FANCM: variants seen among roughly 807,000 people sequenced by gnomAD.
The protein encoded by FANCM is FA complementation group M.
A neutral mutation model predicts 199.5 loss-of-function variants in FANCM; 140 were observed. That is an observed-to-expected ratio of 0.70 (90% CI 0.61 to 0.81). The LOEUF (loss-of-function observed/expected upper bound fraction) is 0.81, where lower values mean the gene tolerates loss of function less well. FANCM is among the 30% of genes least tolerant of loss of function. The pLI is 0.00. For synonymous variants in FANCM, 840 were observed against 836.8 expected, an observed-to-expected ratio of 1.00 and a Z score of -0.07; for missense variants, 2,410 against 2,421.4, an observed-to-expected ratio of 1.00 and a Z score of 0.10.
intron 11 of FANCM, among the ~76,000 whole-genome samples, chr14:45,169,289 A>G (rs1382822129): frequency 1.3e-5 from 2 of 151,922 alleles, no homozygotes; most frequent in East Asian, 3.9e-4. Context: ...TCTGGATGTC[A>G]GGTCTGAAAG....
chr14:45,148,145 C>T (rs1269070047), intron 3 of FANCM, among the ~76,000 whole-genome samples: 5 of 151,082 alleles, frequency 3.3e-5, no homozygotes, highest in African/African-American at 9.8e-5. Context: ...TGCAGTTAGC[C>T]GATATCGTGC....
rs765026410 is a variant in FANCM, at chr14:45,176,758, A to C, written c.4004A>C (p.Lys1335Thr). ...CAGTTTTCTTTACCAGTGCAAAAAAAAGTTATGAGTACACCACTCTCTAAA... is the reference window on the plus strand; with the variant it reads ...CAGTTTTCTTTACCAGTGCAAAAAACAGTTATGAGTACACCACTCTCTAAA... The part of the protein sequence containing the change: ...YSQFSLPVQK[K>T]VMSTPLSKSN... The change falls in exon 14 of 23, where the codon AAA (lysine) becomes ACA (threonine). Residue 1335 changes from lysine to threonine, a missense_variant. Lys to Thr is a moderately conservative substitution (Grantham distance 78). Coordinates refer to ENST00000267430, the MANE Select transcript of FANCM (RefSeq NM_020937.4). 6.8e-6 allele frequency: 11 copies of C among 1,612,808 alleles called. No individual in the cohort carries two copies. The East Asian group carries it at 2.5e-4, about 36-fold the overall frequency.
At chr14:45,177,391 TG>T (rs1475558685) in intron 14 of FANCM, among the ~76,000 whole-genome samples, 1 of 152,100 alleles carries the variant, frequency 6.6e-6, no homozygotes, top group African/African-American at 2.4e-5. Context: ...GGACTTTTTT[TG>T]TTTCTTTGTT....
intron 4 of FANCM, among the ~76,000 whole-genome samples, chr14:45,150,810 G>A (rs1041440351): frequency 6.6e-6 from 1 of 151,768 alleles, no homozygotes; most frequent in Non-Finnish European, 1.5e-5. Context: ...TTTATTCTTC[G>A]GTTCCCTCCA....
At chr14:45,167,193 T>C in intron 11 of FANCM, 30 bp downstream of exon 11, 1 of 1,281,564 alleles carries the variant, frequency 7.8e-7, no homozygotes, top group Non-Finnish European at 1.1e-6. Flanking sequence ...GACACATGCA[T>C]TTTTCCCCTG....
intron 14 of FANCM, among the ~76,000 whole-genome samples, chr14:45,178,869 C>G (rs1412590752): frequency 6.6e-6 from 1 of 152,010 alleles, no homozygotes; most frequent in Non-Finnish European, 1.5e-5. Context: ...TCTTAGAAGG[C>G]CTGTTGTTTG....
chr14:45,172,963 A>G, intron 12 of FANCM, 92 bp from the exon 13 acceptor site: 1 of 916,678 alleles, frequency 1.1e-6, no homozygotes, highest in East Asian at 2.6e-5. Context: ...AATTATGTTA[A>G]GCTGATTATA....
At chr14:45,194,787 T>C (rs1594478704) in intron 20 of FANCM, among the ~76,000 whole-genome samples, 1 of 152,080 alleles carries the variant, frequency 6.6e-6, no homozygotes, top group East Asian at 1.9e-4. Context: ...TTGCCAGATA[T>C]TGCTAACTTC....
intron 18 of FANCM, among the ~76,000 whole-genome samples, chr14:45,187,195 G>C (rs577780502): frequency 7.3e-5 from 11 of 150,238 alleles, no homozygotes; most frequent in Non-Finnish European, 7.4e-5. Context: ...TTTGAACTAT[G>C]TACAATTTCA....
intron 9 of FANCM, among the ~76,000 whole-genome samples, chr14:45,163,600 A>G (rs192758007): frequency 5.3e-4 from 80 of 152,342 alleles, no homozygotes; most frequent in African/African-American, 1.8e-3. Flanking sequence ...GTAGTATAAA[A>G]GGTAAGATAT....
chr14:45,144,048 T>A (rs1049922151), intron 3 of FANCM, among the ~76,000 whole-genome samples: 2 of 151,622 alleles, frequency 1.3e-5, no homozygotes, highest in African/African-American at 4.9e-5. Context: ...TTTTTTTTTT[T>A]ATTTTTATGG....
chr14:45,199,864 T>C lies in FANCM; in HGVS notation c.6009-6T>C, dbSNP rs1361751202. On this transcript the variant is annotated splice_polypyrimidine_tract_variant and splice_region_variant and intron_variant, in intron 22 of 22. Transcript: ENST00000267430. ...GTGTAATGATTTTGTCTCATTTATT[T>C]TTCAGCTCACTTCAAGAAATCTCCA... 1 of 1,611,448 alleles carries C rather than the reference T, an allele frequency of 6.2e-7. No homozygotes were observed. The highest frequency in any genetic ancestry group is 8.5e-7 in the Non-Finnish European group (1 of 1,178,288).
Position 45,151,507 on chromosome 14 carries a change from A to G in FANCM, c.1029A>G (p.Lys343=), listed in dbSNP as rs777761113. The stretch of plus-strand genomic sequence containing the variant: ...TTCTGGCAAGAGATCAGTTTAGGAA[A>G]AACCCATCTCCGAATATTGTGGTAG... ...QIILARDQFR[K]NPSPNIVGIQ... is the part of the protein sequence containing the mutation. Residue 343 remains lysine (K), a synonymous_variant, in exon 5 of 23, where the codon AAA becomes AAG. Transcript: ENST00000267430. 7 of 1,613,038 alleles carry G rather than the reference A, an allele frequency of 4.3e-6. No individual in the cohort carries two copies. The East Asian group carries it at 1.3e-4, about 31-fold the overall frequency.
intron 16 of FANCM, among the ~76,000 whole-genome samples, chr14:45,182,478 G>A (rs226984): frequency 0.79 from 119,595 of 152,132 alleles, 47,950 homozygotes; most frequent in African/African-American, 0.95. Context: ...AGTGTGTCAC[G>A]GATTTAGGCT....
At chr14:45,192,751 C>T (rs1475203457) in intron 20 of FANCM, among the ~76,000 whole-genome samples, 3 of 151,936 alleles carry the variant, frequency 2.0e-5, no homozygotes, top group Non-Finnish European at 2.9e-5. Context: ...ATCACCTGAC[C>T]CTGGGAGGTT....
Position 45,175,970 on chromosome 14 carries a change from T to C in FANCM, c.3216T>C (p.Asp1072=), listed in dbSNP as rs1325248984. 6.2e-7 allele frequency: 1 copy of C among 1,613,604 alleles called. No homozygotes were observed. Among genetic ancestry groups the C allele is most frequent in the Admixed American group, 1.7e-5 (1 of 59,998 alleles). ...EKSCLYDIPN[D]NISDEPSLCD... The stretch of plus-strand genomic sequence containing the variant: ...GTTGCCTTTATGATATACCTAATGA[T>C]AATATTTCTGATGAGCCAAGTCTCT... Residue 1072 remains aspartate, a synonymous_variant, in exon 14 of 23, where the codon GAT becomes GAC. Transcript: ENST00000267430.
chr14:45,148,183 C>T (rs912258125), intron 3 of FANCM, among the ~76,000 whole-genome samples: 73 of 141,576 alleles, frequency 5.2e-4, no homozygotes, highest in South Asian at 2.0e-3. Flanking sequence ...GGTGACAGAA[C>T]GAGGCACCGT....
chr14:45,155,504 A>G (rs765921693), intron 8 of FANCM, 45 bp downstream of exon 8: 1 of 1,020,946 alleles, frequency 9.8e-7, no homozygotes, highest in Non-Finnish European at 1.6e-6. Flanking sequence ...AGTTATTGCA[A>G]GAGGTAAAAC....
chr14:45,183,954 T>G, intron 17 of FANCM, 52 bp downstream of exon 17: 2 of 1,365,818 alleles, frequency 1.5e-6, no homozygotes. Flanking sequence ...TCAGTAAAGA[T>G]AATTGGTTTT....
Sources: gnomAD v4.1 joint callset for allele counts (sites outside exome capture counted in the v4.1 genomes callset) on GRCh38, gnomAD v4.1.1 for gene constraint, MANE v1.5 for transcripts, NCBI Gene and HGNC (gene_info 2026-07-23, HGNC 2026-07-21) for gene names.